BCAS3: variants seen among roughly 807,000 people sequenced by gnomAD.
BCAS3 encodes BCAS4/BCAS3 fusion.
A neutral mutation model predicts 116.1 loss-of-function variants in BCAS3; 53 were observed. That is an observed-to-expected ratio of 0.46 (90% CI 0.37 to 0.57). The LOEUF (loss-of-function observed/expected upper bound fraction) is 0.57, where lower values mean the gene tolerates loss of function less well. BCAS3 is among the 20% of genes least tolerant of loss of function. The pLI, the probability that BCAS3 is intolerant of heterozygous loss-of-function variation, is 0.00. For synonymous variants in BCAS3, 391 were observed against 408.2 expected, an observed-to-expected ratio of 0.96 and a Z score of 0.51; for missense variants, 917 against 1,165.4, an observed-to-expected ratio of 0.79 and a Z score of 3.10.
At chr17:61,064,185 C>T (rs1337092568) in intron 19 of BCAS3, among the ~76,000 whole-genome samples, 1 of 152,084 alleles carries the variant, frequency 6.6e-6, no homozygotes, top group Non-Finnish European at 1.5e-5. Flanking sequence ...AGTTCCAGCT[C>T]CTCAGGAGGC....
intron 22 of BCAS3, among the ~76,000 whole-genome samples, chr17:61,245,037 C>T (rs564130305): frequency 3.3e-5 from 5 of 152,010 alleles, no homozygotes; most frequent in East Asian, 1.9e-4. Flanking sequence ...AGGACATAGC[C>T]GAGACTGGGT....
rs1349372740 is a variant in BCAS3 at position 61,034,992 on chromosome 17, C to T, written c.1762+202C>T. Among the ~76,000 whole-genome samples, 1 of 152,074 alleles carries T rather than the reference C, an allele frequency of 6.6e-6. No homozygotes were observed. The stretch of plus-strand genomic sequence containing the variant: ...TCTCAGTATGAACGTTAATGAATTG[C>T]CCACTGAGTGATTTTGTTTTGTTTT... On this transcript the variant is annotated intron_variant, in intron 17 of 23. Transcript: ENST00000407086. This position sits in a 1 kb window ranked among gnomAD's most constrained non-coding sequence, Gnocchi z 5.0.
Position 60,900,602 on chromosome 17 carries a change from T to A in BCAS3, c.739-2018T>A, listed in dbSNP as rs577878433. 7.2e-5 allele frequency among the ~76,000 whole-genome samples: 11 copies of A among 152,330 alleles called. No individual in the cohort carries two copies. The South Asian group carries it at 2.1e-3, about 29-fold the overall frequency. On this transcript the variant is annotated intron_variant, in intron 10 of 23. Transcript: ENST00000407086. ...TGTGATTCTCTATGCACTATTTTGG[T>A]TCTTCTAAGTGGAAGAGGTGAGCAT...
chr17:60,689,269 G>C (rs1049523504), intron 3 of BCAS3, among the ~76,000 whole-genome samples: 2 of 152,140 alleles, frequency 1.3e-5, no homozygotes, highest in Non-Finnish European at 2.9e-5. Flanking sequence ...TGCCTTCCAG[G>C]TTTAAGTGAT....
rs2079790231 is a variant in BCAS3 at position 61,186,585 on chromosome 17, T to C, written c.2425+102021T>C. ...TAATTGTTCATTTGAATTTTTGTCTTCATATTATTTTAAATTTTCAATCGG... is the reference window on the plus strand; with the variant it reads ...TAATTGTTCATTTGAATTTTTGTCTCCATATTATTTTAAATTTTCAATCGG... On this transcript the variant is annotated intron_variant, in intron 22 of 23. Transcript: ENST00000407086. This position sits in a 1 kb window ranked among gnomAD's most constrained non-coding sequence, Gnocchi z 4.9. 6.6e-6 allele frequency among the ~76,000 whole-genome samples: 1 copy of C among 152,246 alleles called. No individual in the cohort carries two copies. Among genetic ancestry groups the C allele is most frequent in the African/African-American group, 2.4e-5 (1 of 41,464 alleles).
intron 7 of BCAS3, among the ~76,000 whole-genome samples, chr17:60,827,395 A>G (rs373912970): frequency 6.6e-6 from 1 of 152,202 alleles, no homozygotes; most frequent in East Asian, 1.9e-4. Flanking sequence ...TGTTCGAGAA[A>G]TAGGGCTGTA....
rs765637641 is a variant in BCAS3 at position 61,335,990 on chromosome 17, G to A, written c.2426-32337G>A. Among the ~76,000 whole-genome samples the A allele has an allele frequency of 1.6e-3, 247 of 152,318 alleles. 1 individual carries two copies. Among genetic ancestry groups the A allele is most frequent in the Middle Eastern group, 3.4e-3 (1 of 292 alleles). On this transcript the variant is annotated intron_variant, in intron 22 of 23. Transcript: ENST00000407086. Reference sequence around the variant, plus strand: ...CAAGGGGCTGCCAGCCCCCCACCTCGGGGAGCCCTCGCTCCCAGCCCCCTT... The same window carrying A: ...CAAGGGGCTGCCAGCCCCCCACCTCAGGGAGCCCTCGCTCCCAGCCCCCTT...
rs35629112 is a variant in BCAS3 at position 61,251,570 on chromosome 17, CAAAAAA to C, written c.2426-116748_2426-116743del. ...GGGCAACAAGAGCGAAACTCCACCT[CAAAAAA>C]AAAAAAAAGAAAAGAAAGACTGGAT... On this transcript the variant is annotated intron_variant, in intron 22 of 23. Transcript: ENST00000407086. This position sits in a 1 kb window ranked among gnomAD's most constrained non-coding sequence, Gnocchi z 4.7. Among the ~76,000 whole-genome samples the C allele has an allele frequency of 7.1e-6, 1 of 141,426 alleles. No individual in the cohort carries two copies. The highest frequency in any genetic ancestry group is 7.1e-5 in the Admixed American group (1 of 14,162). 92.8% of individuals were successfully genotyped at this position (141,426 alleles called of 152,430 possible).
chr17:61,334,664 CAAAAAAAAAAAA>C (rs35400660), intron 22 of BCAS3, among the ~76,000 whole-genome samples: 2 of 50,892 alleles, frequency 3.9e-5, no homozygotes, highest in Non-Finnish European at 7.7e-5. Flanking sequence ...AACTCCATCT[CAAAAAAAAAAAA>C]AAAAAAAAAA....
At chr17:61,086,502 T>C (rs922261231) in intron 22 of BCAS3, among the ~76,000 whole-genome samples, 2 of 152,228 alleles carry the variant, frequency 1.3e-5, no homozygotes, top group Non-Finnish European at 2.9e-5. Flanking sequence ...AAGAAGAGTT[T>C]TTAAGTTGAC....
chr17:61,302,584 A>G lies in BCAS3; in HGVS notation c.2426-65743A>G, dbSNP rs1602533789. ...CTAGGCTATCTTGTTTAATACTGAC[A>G]ATATAATTACAAGGTGCATATCATT... On this transcript the variant is annotated intron_variant, in intron 22 of 23. Coordinates refer to ENST00000407086, the MANE Select transcript of BCAS3 (RefSeq NM_017679.5). This position sits in a 1 kb window ranked among gnomAD's most constrained non-coding sequence, Gnocchi z 4.4. 6.6e-6 allele frequency among the ~76,000 whole-genome samples: 1 copy of G among 152,224 alleles called. No individual in the cohort carries two copies. Among genetic ancestry groups the G allele is most frequent in the East Asian group, 1.9e-4 (1 of 5,202 alleles).
chr17:61,382,055 C>T (rs1331543385), intron 23 of BCAS3, among the ~76,000 whole-genome samples: 3 of 151,926 alleles, frequency 2.0e-5, no homozygotes, highest in Non-Finnish European at 2.9e-5. Flanking sequence ...GGGCCGGGCG[C>T]GGTGGCTCAC....
At chr17:60,727,668 C>T (rs548087529) in intron 5 of BCAS3, among the ~76,000 whole-genome samples, 5 of 152,252 alleles carry the variant, frequency 3.3e-5, no homozygotes, top group African/African-American at 1.2e-4. Context: ...GCCTCCACAT[C>T]GTGCACAACC....
intron 19 of BCAS3, among the ~76,000 whole-genome samples, chr17:61,070,650 A>G (rs1249289299): frequency 6.6e-6 from 1 of 152,026 alleles, no homozygotes; most frequent in Non-Finnish European, 1.5e-5. Context: ...TTTTGTGCCC[A>G]AAGCATTTGA....
At chr17:61,250,642 G>A (rs145291991) in intron 22 of BCAS3, among the ~76,000 whole-genome samples, 113 of 152,272 alleles carry the variant, frequency 7.4e-4, no homozygotes, top group African/African-American at 2.6e-3. Context: ...TCCCGTTTTC[G>A]GACAGCTAAA....
At position 60,854,074 on chromosome 17, in the gene BCAS3, C is replaced by T. The variant is rs112225214; in HGVS notation, c.477-14502C>T. On this transcript the variant is annotated intron_variant, in intron 7 of 23. Coordinates refer to ENST00000407086, the MANE Select transcript of BCAS3 (RefSeq NM_017679.5). ...CCTCCCCCAACCCCACGACAGGCCC[C>T]GGTGTGTGTTGTTCCCCTTCCTGTG... 3.8e-3 allele frequency among the ~76,000 whole-genome samples: 574 copies of T among 152,074 alleles called. 3 individuals are homozygous for T. The highest frequency in any genetic ancestry group is 0.013 in the African/African-American group (545 of 41,458).
rs764465595 is a variant in BCAS3 at position 61,017,775 on chromosome 17, TAAG to T, written c.1637+1879_1637+1881del. On this transcript the variant is annotated intron_variant, in intron 16 of 23. Transcript: ENST00000407086. This position sits in a 1 kb window ranked among gnomAD's most constrained non-coding sequence, Gnocchi z 4.7. The stretch of plus-strand genomic sequence containing the variant: ...TTTATGTAGTATTTGAAATTTTCCA[TAAG>T]AAGATAAAATCTCTTGCTTTCTTTC... Among the ~76,000 whole-genome samples, 35 of 152,198 alleles carry T rather than the reference TAAG, an allele frequency of 2.3e-4. No individual in the cohort carries two copies. The highest frequency in any genetic ancestry group is 4.3e-4 in the Non-Finnish European group (29 of 68,008).
At chr17:60,767,092 A>C (rs552881006) in intron 6 of BCAS3, among the ~76,000 whole-genome samples, 66 of 152,276 alleles carry the variant, frequency 4.3e-4, no homozygotes, top group Admixed American at 2.6e-3. Flanking sequence ...TGATTTTCCC[A>C]GTGCAGTCTG....
chr17:60,844,456 A>G (rs1469499380), intron 7 of BCAS3, among the ~76,000 whole-genome samples: 4 of 152,176 alleles, frequency 2.6e-5, no homozygotes, highest in Non-Finnish European at 5.9e-5. Flanking sequence ...TACCAACATC[A>G]CATACAATTC....
Sources: gnomAD v4.1 joint callset for allele counts (sites outside exome capture counted in the v4.1 genomes callset) on GRCh38, gnomAD v4.1.1 for gene constraint, Gnocchi (gnomAD v3.1) non-coding constraint, MANE v1.5 for transcripts, NCBI Gene and HGNC (gene_info 2026-07-23, HGNC 2026-07-21) for gene names.